Variants in ACAP2 observed in about 807,000 individuals in gnomAD.
The protein encoded by ACAP2 is ArfGAP with coiled-coil, ankyrin repeat and PH domains 2, also known as arf-GAP with coiled-coil, ANK repeat and PH domain-containing protein 2.
In ACAP2, 39 loss-of-function variants were observed where a neutral mutation model predicts 115.8. The observed-to-expected ratio is 0.34, with a 90% CI of 0.26 to 0.44. The LOEUF is 0.44. Among genes scored for constraint, ACAP2 ranks in the 20% least tolerant of loss-of-function variants. The probability of loss-of-function intolerance (pLI) is 1.00; values close to 1 mark genes in which losing one functional copy is unlikely to be tolerated. For synonymous variants in ACAP2, 289 were observed against 315.8 expected, an observed-to-expected ratio of 0.92 and a Z score of 0.90; for missense variants, 662 against 927.6, an observed-to-expected ratio of 0.71 and a Z score of 3.72.
chr3:195,351,441 C>CGTGT (rs56049053), intron 4 of ACAP2, among the ~76,000 whole-genome samples: 2,411 of 129,992 alleles, frequency 0.019, 58 homozygotes, highest in African/African-American at 0.058. Context: ...TTTTCTTTTT[C>CGTGT]GTGTGTGTGT....
chr3:195,320,152 C>A (rs770766142), intron 10 of ACAP2, among the ~76,000 whole-genome samples: 7 of 152,204 alleles, frequency 4.6e-5, no homozygotes, highest in African/African-American at 7.2e-5. Flanking sequence ...GAGGCCTCCC[C>A]AGCCATGGAG....
At chr3:195,289,819 AAG>A (rs1491286193) in intron 20 of ACAP2, among the ~76,000 whole-genome samples, 4 of 151,508 alleles carry the variant, frequency 2.6e-5, no homozygotes, top group Admixed American at 1.3e-4. Flanking sequence ...AAAAAAAAAA[AAG>A]AATATCATAA....
chr3:195,395,681 A>G (rs974778125), intron 1 of ACAP2, among the ~76,000 whole-genome samples: 1 of 152,238 alleles, frequency 6.6e-6, no homozygotes, highest in Non-Finnish European at 1.5e-5. Context: ...CACAAAGCAT[A>G]AAATATTTAC....
At chr3:195,344,747 G>A (rs1310960331) in intron 5 of ACAP2, among the ~76,000 whole-genome samples, 1 of 152,042 alleles carries the variant, frequency 6.6e-6, no homozygotes, top group African/African-American at 2.4e-5. Flanking sequence ...CTCGCCGCCT[G>A]ACCTCAGGTG....
At chr3:195,420,080 T>A (rs951587473) in intron 1 of ACAP2, among the ~76,000 whole-genome samples, 9 of 152,278 alleles carry the variant, frequency 5.9e-5, no homozygotes, top group Admixed American at 5.9e-4. Context: ...CAATGTCGAG[T>A]CTTCATGTAA....
chr3:195,297,390 T>G, intron 15 of ACAP2, 109 bp from the exon 16 acceptor site: 1 of 797,666 alleles, frequency 1.3e-6, no homozygotes, highest in Non-Finnish European at 1.9e-6. Context: ...CCCTTACACA[T>G]TCTGCAGATG....
chr3:195,291,793 A>C lies in ACAP2; in HGVS notation c.1976T>G (p.Phe659Cys). The change falls in exon 20 of 23, where the codon TTC becomes TGC. Residue 659 changes from phenylalanine to cysteine, a missense_variant. Phe to Cys is a radical substitution (Grantham distance 205, BLOSUM62 -2). Transcript: ENST00000326793. Reference protein sequence around the residue: ...VLGGSLVTCEFLLQNGANVNQ... With the variant: ...VLGGSLVTCECLLQNGANVNQ... The stretch of plus-strand genomic sequence containing the variant: ...GACATTAGCACCATTCTGTAGGAGG[A>C]ACTCACACGTCACCAAAGAGCCCTT... 6.2e-7 allele frequency: 1 copy of C among 1,613,414 alleles called. No individual in the cohort carries two copies. Among genetic ancestry groups the C allele is most frequent in the Non-Finnish European group, 8.5e-7 (1 of 1,179,766 alleles).
intron 10 of ACAP2, among the ~76,000 whole-genome samples, chr3:195,312,126 C>T (rs1051592735): frequency 2.6e-5 from 4 of 152,032 alleles, no homozygotes; most frequent in African/African-American, 9.7e-5. Flanking sequence ...TCCCAGACTG[C>T]TCTTGTAATC....
chr3:195,381,440 A>T (rs567455375), intron 3 of ACAP2, among the ~76,000 whole-genome samples: 1 of 152,330 alleles, frequency 6.6e-6, no homozygotes, highest in Admixed American at 6.5e-5. Flanking sequence ...CTCATGAAAG[A>T]AATATAACAC....
At chr3:195,360,511 A>G (rs1732278924) in intron 4 of ACAP2, among the ~76,000 whole-genome samples, 1 of 152,194 alleles carries the variant, frequency 6.6e-6, no homozygotes, top group African/African-American at 2.4e-5. Context: ...AATCTGCACT[A>G]CAGGCCAGGT....
At chr3:195,440,925 G>A (rs998279505) in intron 1 of ACAP2, among the ~76,000 whole-genome samples, 7 of 152,046 alleles carry the variant, frequency 4.6e-5, no homozygotes, top group African/African-American at 1.7e-4. Flanking sequence ...AACAACTCCT[G>A]AAAACCTGTA....
intron 11 of ACAP2, among the ~76,000 whole-genome samples, chr3:195,307,876 C>T (rs867185300): frequency 4.6e-5 from 7 of 152,254 alleles, no homozygotes; most frequent in Middle Eastern, 3.4e-3. Context: ...GTCATACAAA[C>T]CTGCTACCAT....
At chr3:195,336,737 T>A (rs934599873) in intron 7 of ACAP2, 195 bp downstream of exon 7, 3 of 592,332 alleles carry the variant, frequency 5.1e-6, no homozygotes, top group Admixed American at 6.6e-5. Flanking sequence ...TATCAACAGA[T>A]GAGACACACA....
At chr3:195,285,981 G>A (rs2108900293) in intron 21 of ACAP2, 124 bp from the exon 22 acceptor site, 2 of 709,728 alleles carry the variant, frequency 2.8e-6, no homozygotes, top group Non-Finnish European at 4.4e-6. Flanking sequence ...AAATAATCTG[G>A]CTTTTAGTTT....
intron 22 of ACAP2, 193 bp downstream of exon 22, chr3:195,285,603 G>A (rs1293447166): frequency 1.1e-5 from 6 of 527,480 alleles, no homozygotes; most frequent in East Asian, 3.1e-5. Flanking sequence ...TTAAAGGCCC[G>A]GGATTAGCCA....
chr3:195,414,174 G>A lies in ACAP2; in HGVS notation c.54-22027C>T, dbSNP rs1454216605. ...ATGGACAACACCAAATACTGGTGAG[G>A]ATGTTCAGCAAAAGGAACTCTCATT... On this transcript the variant is annotated intron_variant, in intron 1 of 22. Coordinates refer to ENST00000326793, the MANE Select transcript of ACAP2 (RefSeq NM_012287.6). 2.0e-5 allele frequency among the ~76,000 whole-genome samples: 3 copies of A among 152,152 alleles called. No homozygotes were observed. In the East Asian group the frequency reaches 5.8e-4, roughly 29 times the overall value.
chr3:195,361,500 C>T (rs1560286766), intron 4 of ACAP2, among the ~76,000 whole-genome samples: 2 of 151,048 alleles, frequency 1.3e-5, no homozygotes, highest in East Asian at 1.9e-4. Flanking sequence ...CACAACAAAC[C>T]GAAGCCTATG....
At chr3:195,420,888 C>T (rs368100113) in intron 1 of ACAP2, among the ~76,000 whole-genome samples, 1 of 152,246 alleles carries the variant, frequency 6.6e-6, no homozygotes, top group East Asian at 1.9e-4. Context: ...AAGTGATCCA[C>T]CTATCTCAGC....
chr3:195,302,814 C>T (rs1436546444), intron 13 of ACAP2, among the ~76,000 whole-genome samples: 1 of 152,092 alleles, frequency 6.6e-6, no homozygotes, highest in East Asian at 1.9e-4. Context: ...TGGCCGAGAG[C>T]GGTGTCACCC....
Sources: allele counts gnomAD v4.1 joint callset (sites outside exome capture counted in the v4.1 genomes callset), GRCh38; gene constraint gnomAD v4.1.1; transcripts MANE v1.5; gene names NCBI Gene and HGNC (gene_info 2026-07-23, HGNC 2026-07-21).